DIAPH2: variants seen among roughly 807,000 people sequenced by gnomAD.
The protein encoded by DIAPH2 is protein diaphanous homolog 2.
In DIAPH2, 35 loss-of-function variants were observed where a neutral mutation model predicts 92.7. The observed-to-expected ratio is 0.38, with a 90% CI of 0.29 to 0.50. DIAPH2 has a LOEUF of 0.50. DIAPH2 is among the 20% of genes least tolerant of loss of function. The pLI is 0.94. For synonymous variants in DIAPH2, 301 were observed against 280.4 expected (o/e 1.07, Z -0.73); for missense variants, 701 against 819.5 (o/e 0.86, Z 1.77).
rs186908844 is a variant in DIAPH2, at chrX:97,410,493, G to A, written c.3146-19157G>A. Among the ~76,000 whole-genome samples, 212 of 111,883 alleles carry A rather than the reference G, an allele frequency of 1.9e-3. 1 individual carries two copies. The highest frequency in any genetic ancestry group is 6.6e-3 in the African/African-American group (204 of 30,793). On this transcript the variant is annotated intron_variant, in intron 25 of 26. Transcript: ENST00000324765. The stretch of plus-strand genomic sequence containing the variant: ...AAAGGTGAAAATTCTAAAAATCAGA[G>A]CACCTCTTCTCCTCCAAAGGATTAC...
intron 25 of DIAPH2, among the ~76,000 whole-genome samples, chrX:97,401,922 G>A (rs1390058511): frequency 1.8e-5 from 2 of 112,472 alleles, no homozygotes; most frequent in Non-Finnish European, 3.8e-5. Flanking sequence ...ATTGTTTTTA[G>A]TTAAATATTA....
At chrX:97,562,878 A>T (rs957635389) in intron 26 of DIAPH2, among the ~76,000 whole-genome samples, 18 of 112,139 alleles carry the variant, frequency 1.6e-4, no homozygotes, top group Non-Finnish European at 2.6e-4. Context: ...CCCCAAATCT[A>T]TGTATGGTTG....
intron 1 of DIAPH2, among the ~76,000 whole-genome samples, chrX:96,712,761 TG>T (rs1027237805): frequency 8.9e-6 from 1 of 111,741 alleles, no homozygotes; most frequent in Admixed American, 9.5e-5. Flanking sequence ...TAGATTTGTT[TG>T]TTGCAAATTT....
chrX:97,274,006 GGTGTGTGTGTGTGTGTGTGT>G (rs55778849), intron 23 of DIAPH2, among the ~76,000 whole-genome samples: 26 of 86,730 alleles, frequency 3.0e-4, no homozygotes, highest in African/African-American at 8.2e-4. Context: ...TAAAACTAGC[GGTGTGTGTGTGTGTGTGTGT>G]GTGTGTGTGT....
intron 17 of DIAPH2, among the ~76,000 whole-genome samples, chrX:97,051,843 T>G (rs990010281): frequency 1.8e-5 from 2 of 111,788 alleles, no homozygotes; most frequent in Non-Finnish European, 3.8e-5. Flanking sequence ...TTTTCTCTCA[T>G]TAGCTGTTTT....
At chrX:96,889,131 CATT>C (rs1463413534) in intron 5 of DIAPH2, among the ~76,000 whole-genome samples, 3 of 111,564 alleles carry the variant, frequency 2.7e-5, no homozygotes, top group Admixed American at 9.6e-5. Flanking sequence ...AGAGACAAAA[CATT>C]ATTTTTTGCT....
intron 26 of DIAPH2, among the ~76,000 whole-genome samples, chrX:97,573,558 A>G (rs2071382803): frequency 9.0e-6 from 1 of 111,078 alleles, no homozygotes; most frequent in Non-Finnish European, 1.9e-5. Context: ...AGTTTGGTTA[A>G]TCTATGCAAC....
chrX:97,475,768 A>G (rs997378873), intron 26 of DIAPH2, among the ~76,000 whole-genome samples: 3 of 112,214 alleles, frequency 2.7e-5, no homozygotes, highest in African/African-American at 9.7e-5. Context: ...GGCAACCTGA[A>G]ATGCAAGTTT....
At chrX:97,296,300 A>C (rs1322111540) in intron 23 of DIAPH2, among the ~76,000 whole-genome samples, 1 of 111,835 alleles carries the variant, frequency 8.9e-6, no homozygotes, top group Non-Finnish European at 1.9e-5. Context: ...AATTTTCCCT[A>C]CTACCCTTCA....
chrX:97,517,599 T>C (rs2070959188), intron 26 of DIAPH2, among the ~76,000 whole-genome samples: 1 of 112,462 alleles, frequency 8.9e-6, no homozygotes, highest in Non-Finnish European at 1.9e-5. Context: ...TAAATTGTTA[T>C]TAACTTGTAT....
At chrX:97,402,207 C>CGTGTGTGTGTGT (rs10695870) in intron 25 of DIAPH2, among the ~76,000 whole-genome samples, 176 of 99,852 alleles carry the variant, frequency 1.8e-3, no homozygotes, top group African/African-American at 6.0e-3. Flanking sequence ...TCATTTGCAT[C>CGTGTGTGTGTGT]GTGTGTGTGT....
rs1194809218 is a variant in DIAPH2, at chrX:96,908,118, G to C, written c.588-4210G>C. ...GCCAGGATGCTGGGAGTAGGGAAAA[G>C]GGATTGACTGCAAAGGGGAATAAGG... is the stretch of plus-strand genomic sequence containing the variant. On this transcript the variant is annotated intron_variant, in intron 5 of 26. Coordinates refer to ENST00000324765, the MANE Select transcript of DIAPH2 (RefSeq NM_006729.5). 5.4e-5 allele frequency among the ~76,000 whole-genome samples: 6 copies of C among 111,569 alleles called. No homozygotes were observed. In the Admixed American group the frequency reaches 5.7e-4, roughly 11 times the overall value.
chrX:96,708,335 C>A (rs778664578), intron 1 of DIAPH2, among the ~76,000 whole-genome samples: 1 of 104,778 alleles, frequency 9.5e-6, no homozygotes, highest in African/African-American at 3.5e-5. Flanking sequence ...CTCCGCCTCC[C>A]GGGTTCAAGC....
intron 23 of DIAPH2, among the ~76,000 whole-genome samples, chrX:97,337,982 C>T (rs1053757398): frequency 1.2e-4 from 13 of 108,344 alleles, no homozygotes; most frequent in Admixed American, 1.0e-4. Context: ...AAGCAATTCT[C>T]GTGCCTCAGC....
intron 23 of DIAPH2, 47 bp downstream of exon 23, chrX:97,247,886 G>A (rs755931381): frequency 2.7e-6 from 3 of 1,131,318 alleles, no homozygotes; most frequent in East Asian, 6.1e-5. Context: ...TAGTCTCTAT[G>A]TCTGTCTGTT....
At chrX:96,906,764 T>A (rs2065436398) in intron 5 of DIAPH2, among the ~76,000 whole-genome samples, 1 of 111,921 alleles carries the variant, frequency 8.9e-6, no homozygotes, top group Non-Finnish European at 1.9e-5. Flanking sequence ...TTGGGTGAAC[T>A]TGGAAAAAAG....
chrX:97,395,500 G>A (rs1715442517), intron 25 of DIAPH2, among the ~76,000 whole-genome samples: 1 of 112,036 alleles, frequency 8.9e-6, no homozygotes, highest in African/African-American at 3.2e-5. Flanking sequence ...TCAGTGATCA[G>A]TATACACTAG....
At chrX:96,688,781 A>G (rs1317052925) in intron 1 of DIAPH2, among the ~76,000 whole-genome samples, 1 of 112,166 alleles carries the variant, frequency 8.9e-6, no homozygotes, top group Non-Finnish European at 1.9e-5. Context: ...AGGGAAGTTA[A>G]TTAATGCTTA....
chrX:97,550,336 G>A (rs1333673151), intron 26 of DIAPH2, among the ~76,000 whole-genome samples: 1 of 112,114 alleles, frequency 8.9e-6, no homozygotes, highest in Non-Finnish European at 1.9e-5. Flanking sequence ...TCCAGCCTGG[G>A]CAACAAGAGC....
Sources: gnomAD v4.1 joint callset for allele counts (sites outside exome capture counted in the v4.1 genomes callset) on GRCh38, gnomAD v4.1.1 for gene constraint, MANE v1.5 for transcripts, NCBI Gene and HGNC (gene_info 2026-07-23, HGNC 2026-07-21) for gene names.